The following TMEM170B variants were observed in gnomAD, a reference collection of about 807,000 sequenced individuals.
The protein encoded by TMEM170B is transmembrane protein 170B.
TMEM170B carries 6 observed loss-of-function variants against 13.0 expected under a neutral mutation model. The ratio of observed to expected loss-of-function variants is 0.46; its 90% CI spans 0.25 to 0.91. The LOEUF is 0.91. TMEM170B is among the 40% of genes least tolerant of loss of function. TMEM170B has a pLI of 0.17. For missense variants in TMEM170B, 138 were observed against 165.2 expected (o/e 0.84, Z 0.90); for synonymous variants, 61 against 64.9 (o/e 0.94, Z 0.29).
At chr6:11,559,480 C>T (rs1046944375) in intron 1 of TMEM170B, among the ~76,000 whole-genome samples, 1 of 152,046 alleles carries the variant, frequency 6.6e-6, no homozygotes, top group Non-Finnish European at 1.5e-5. Context: ...GCTACTGTGC[C>T]CAGCTTCTTG....
chr6:11,561,527 T>C (rs1027487056), intron 1 of TMEM170B, among the ~76,000 whole-genome samples: 2 of 152,212 alleles, frequency 1.3e-5, no homozygotes, highest in Non-Finnish European at 2.9e-5. Context: ...TTGCCGATAG[T>C]GATTGGGCCT....
At chr6:11,564,791 G>T (rs1348277297) in intron 1 of TMEM170B, among the ~76,000 whole-genome samples, 1 of 152,150 alleles carries the variant, frequency 6.6e-6, no homozygotes, top group Non-Finnish European at 1.5e-5. Flanking sequence ...GAGCCTTTCT[G>T]CTTCAGCTAC....
intron 1 of TMEM170B, among the ~76,000 whole-genome samples, chr6:11,540,248 T>G (rs1255859234): frequency 6.6e-6 from 1 of 152,172 alleles, no homozygotes; most frequent in Non-Finnish European, 1.5e-5. Flanking sequence ...TCATGAAAGA[T>G]TTCTCTGTAG....
rs758073698 is a variant in TMEM170B, at chr6:11,575,389, C to T, written c.269-42C>T. On this transcript the variant is annotated intron_variant, in intron 2 of 2. Transcript: ENST00000379426. The surrounding 1 kb of genome is among the most constrained non-coding windows in gnomAD (Gnocchi z 4.1). ...GTGCAGCATGCAGTGTGTTATAAAA[C>T]GAGTGACTGTATCCCTTCATTTTTC... The T allele has an allele frequency of 1.7e-5, 27 of 1,611,086 alleles. No individual in the cohort carries two copies. The highest frequency in any genetic ancestry group is 3.3e-5 in the Admixed American group (2 of 59,870).
chr6:11,558,176 C>G (rs1467982058), intron 1 of TMEM170B, among the ~76,000 whole-genome samples: 1 of 152,152 alleles, frequency 6.6e-6, no homozygotes, highest in Admixed American at 6.6e-5. Flanking sequence ...AGATATGATT[C>G]TATAACTTCT....
intron 2 of TMEM170B, among the ~76,000 whole-genome samples, chr6:11,573,689 C>T (rs760944255): frequency 9.9e-5 from 15 of 152,128 alleles, no homozygotes; most frequent in Admixed American, 7.2e-4. Context: ...CTAGTAATTG[C>T]TTCGATTTTC....
At chr6:11,551,168 G>A (rs1055045818) in intron 1 of TMEM170B, among the ~76,000 whole-genome samples, 3 of 152,102 alleles carry the variant, frequency 2.0e-5, no homozygotes, top group African/African-American at 7.2e-5. Context: ...GTGGTGGGAG[G>A]CCTTCTCCAT....
intron 1 of TMEM170B, among the ~76,000 whole-genome samples, chr6:11,555,397 T>C (rs1759574777): frequency 6.6e-6 from 1 of 152,160 alleles, no homozygotes; most frequent in South Asian, 2.1e-4. Flanking sequence ...TGTTTTGTTG[T>C]TTTTTGGTTC....
At chr6:11,545,409 C>A (rs945530813) in intron 1 of TMEM170B, among the ~76,000 whole-genome samples, 1 of 151,938 alleles carries the variant, frequency 6.6e-6, no homozygotes, top group African/African-American at 2.4e-5. Context: ...ATGGATATTT[C>A]TGAACCCCAT....
chr6:11,540,975 CT>C (rs955796474), intron 1 of TMEM170B, among the ~76,000 whole-genome samples: 5 of 150,178 alleles, frequency 3.3e-5, no homozygotes, highest in African/African-American at 4.9e-5. Context: ...TGAAAGGAAT[CT>C]TTTTTTTTTC....
chr6:11,559,883 TG>T (rs1425605822), intron 1 of TMEM170B, among the ~76,000 whole-genome samples: 1 of 151,924 alleles, frequency 6.6e-6, no homozygotes, highest in African/African-American at 2.4e-5. Flanking sequence ...ATTTCTAGAA[TG>T]TTTAGTGCAT....
intron 2 of TMEM170B, among the ~76,000 whole-genome samples, chr6:11,572,554 A>T (rs1267099901): frequency 1.3e-5 from 2 of 152,136 alleles, no homozygotes; most frequent in Non-Finnish European, 2.9e-5. Context: ...TTGGAATTTT[A>T]GGGGTGTTTT....
At chr6:11,547,280 G>A (rs962525003) in intron 1 of TMEM170B, among the ~76,000 whole-genome samples, 1 of 152,104 alleles carries the variant, frequency 6.6e-6, no homozygotes, top group Non-Finnish European at 1.5e-5. Context: ...CATTCATACT[G>A]GTATAGTCAG....
intron 2 of TMEM170B, among the ~76,000 whole-genome samples, chr6:11,568,018 C>A (rs1759757291): frequency 6.6e-6 from 1 of 152,156 alleles, no homozygotes; most frequent in Non-Finnish European, 1.5e-5. Context: ...GTCTTCATCA[C>A]TGCTCGATCC....
intron 1 of TMEM170B, among the ~76,000 whole-genome samples, chr6:11,558,154 C>A (rs1461924074): frequency 6.6e-6 from 1 of 152,138 alleles, no homozygotes; most frequent in Admixed American, 6.5e-5. Flanking sequence ...CCACAGTAAT[C>A]TTTTTAAAAG....
At position 11,565,570 on chromosome 6, in the gene TMEM170B, A is replaced by G. The variant is rs1489313892; in HGVS notation, c.98-96A>G. 8.9e-5 allele frequency: 120 copies of G among 1,350,640 alleles called. No individual in the cohort carries two copies. In the East Asian group the frequency reaches 2.7e-3, roughly 31 times the overall value. 83.7% of individuals were successfully genotyped at this position (1,350,640 alleles called of 1,614,324 possible). A position where few individuals can be genotyped will look rare whatever the true frequency, so the allele number is the denominator to read the frequency against. On this transcript the variant is annotated intron_variant, in intron 1 of 2. Coordinates refer to ENST00000379426, the MANE Select transcript of TMEM170B (RefSeq NM_001100829.3). ...GAAGCATTTTTCTATGTATTATGTC[A>G]TTTAACCTCCCAAACCATAGGTGCT...
Position 11,580,021 on chromosome 6 carries a change from A to AT in TMEM170B, c.*4463dup. On this transcript the variant is annotated 3_prime_UTR_variant, in exon 3 of 3. Transcript: ENST00000379426. ...AGCTGTTATTTTGTTTCTTTTATTT[A>AT]TTTATTTTTTGAGACGGAGTTTCGC... 6.5e-6 allele frequency: 1 copy of AT among 154,262 alleles called. No homozygotes were observed. Among genetic ancestry groups the AT allele is most frequent in the Non-Finnish European group, 1.4e-5 (1 of 69,870 alleles). The allele number at this position is 154,262 out of a possible 1,614,324, so 9.6% of individuals were successfully genotyped here. A position where few individuals can be genotyped will look rare whatever the true frequency, so the allele number is the denominator to read the frequency against.
At chr6:11,554,610 G>A (rs548493186) in intron 1 of TMEM170B, among the ~76,000 whole-genome samples, 146 of 152,160 alleles carry the variant, frequency 9.6e-4, no homozygotes, top group African/African-American at 3.4e-3. Flanking sequence ...TTAAAAACCT[G>A]TTTTTCTAAG....
rs1393172649 is a variant in TMEM170B, at chr6:11,545,278, CTCTG to C, written c.97+6906_97+6909del. On this transcript the variant is annotated intron_variant, in intron 1 of 2. Coordinates refer to ENST00000379426, the MANE Select transcript of TMEM170B (RefSeq NM_001100829.3). ...GGTTAAAAGGCTTCTCTCTCTCTCT[CTCTG>C]TGTGTGTGTGTGTGTGTGTGTGTGT... Among the ~76,000 whole-genome samples the C allele has an allele frequency of 4.2e-4, 38 of 89,742 alleles. No individual in the cohort carries two copies. The East Asian group carries it at 6.7e-3, about 16-fold the overall frequency. 58.9% of individuals were successfully genotyped at this position (89,742 alleles called of 152,430 possible).
Sources: allele counts gnomAD v4.1 joint callset (sites outside exome capture counted in the v4.1 genomes callset), GRCh38; gene constraint gnomAD v4.1.1; non-coding constraint Gnocchi (gnomAD v3.1); transcripts MANE v1.5; gene names NCBI Gene and HGNC (gene_info 2026-07-23, HGNC 2026-07-21).